RGS22: variants seen among roughly 807,000 people sequenced by gnomAD.
RGS22 encodes the protein regulator of G protein signaling 22, also known as regulator of G-protein signaling 22.
In RGS22, 148 loss-of-function variants were observed where a neutral mutation model predicts 172.9. That is an observed-to-expected ratio of 0.86 (90% CI 0.75 to 0.98). RGS22 has a LOEUF of 0.98. Among genes scored for constraint, RGS22 ranks in the 50% least tolerant of loss-of-function variants. RGS22 has a pLI of 0.00. For missense variants in RGS22, 1,347 were observed against 1,440.8 expected, an observed-to-expected ratio of 0.93 and a Z score of 1.05; for synonymous variants, 458 against 480.2, an observed-to-expected ratio of 0.95 and a Z score of 0.60.
intron 3 of RGS22, among the ~76,000 whole-genome samples, chr8:100,085,146 G>C (rs1434550140): frequency 6.6e-6 from 1 of 152,134 alleles, no homozygotes; most frequent in Non-Finnish European, 1.5e-5. Context: ...TTCCATGTTT[G>C]ATACTCCATC....
At chr8:99,980,169 ATCC>A (rs958411347) in intron 22 of RGS22, among the ~76,000 whole-genome samples, 2 of 152,162 alleles carry the variant, frequency 1.3e-5, no homozygotes, top group African/African-American at 4.8e-5. Flanking sequence ...GCCTCAAGCA[ATCC>A]TCCTGCCTTG....
chr8:99,962,812 T>C, intron 25 of RGS22, 45 bp from the exon 26 acceptor site: 1 of 1,584,204 alleles, frequency 6.3e-7, no homozygotes, highest in Non-Finnish European at 8.6e-7. Flanking sequence ...AAGTAAATAT[T>C]GGCAAAGTCT....
intron 14 of RGS22, among the ~76,000 whole-genome samples, chr8:100,022,423 C>A (rs887065528): frequency 1.3e-5 from 2 of 151,928 alleles, no homozygotes; most frequent in Non-Finnish European, 2.9e-5. Flanking sequence ...TAAGAAAAGA[C>A]GAGAACAAAC....
intron 2 of RGS22, among the ~76,000 whole-genome samples, chr8:100,102,001 C>A (rs1299573836): frequency 6.6e-6 from 1 of 152,156 alleles, no homozygotes; most frequent in Non-Finnish European, 1.5e-5. Context: ...CCCCTCTGAT[C>A]TTATGTCTCC....
intron 24 of RGS22, among the ~76,000 whole-genome samples, chr8:99,963,702 T>C (rs189607569): frequency 6.6e-6 from 1 of 152,282 alleles, no homozygotes; most frequent in East Asian, 1.9e-4. Flanking sequence ...TTAGGTAATA[T>C]ATGTAATCTA....
intron 23 of RGS22, among the ~76,000 whole-genome samples, chr8:99,967,815 C>T (rs1810914256): frequency 2.0e-5 from 3 of 152,188 alleles, no homozygotes; most frequent in Admixed American, 6.5e-5. Flanking sequence ...CTTCAGCAGA[C>T]TTAAACATTC....
intron 14 of RGS22, among the ~76,000 whole-genome samples, chr8:100,011,112 G>T (rs376631350): frequency 1.3e-5 from 2 of 152,198 alleles, no homozygotes; most frequent in African/African-American, 4.8e-5. Context: ...GCTTCAAGTA[G>T]GTAACACTGG....
intron 11 of RGS22, chr8:100,042,855 G>A (rs1403207771): frequency 6.6e-6 from 1 of 152,162 alleles, no homozygotes; most frequent in Non-Finnish European, 1.5e-5. Flanking sequence ...CCCTTGCAGC[G>A]AGACATAGCC....
chr8:99,975,575 G>A (rs939269358), intron 23 of RGS22, among the ~76,000 whole-genome samples: 2 of 150,926 alleles, frequency 1.3e-5, no homozygotes, highest in Non-Finnish European at 2.9e-5. Flanking sequence ...AGATGATAGT[G>A]TGTATTGCCA....
Position 100,078,575 on chromosome 8 carries a change from A to G in RGS22, c.339+1559T>C, listed in dbSNP as rs181175012. Among the ~76,000 whole-genome samples, 12 of 151,060 alleles carry G rather than the reference A, an allele frequency of 7.9e-5. No individual in the cohort carries two copies. In the East Asian group the frequency reaches 1.4e-3, roughly 17 times the overall value. On this transcript the variant is annotated intron_variant, in intron 4 of 27. Transcript: ENST00000360863. ...TTTCCTCATTTTCTGTCTGCTTTCC[A>G]TTTAGTACTTTTTAATTCCTTTGAT...
intron 14 of RGS22, among the ~76,000 whole-genome samples, chr8:100,015,770 A>G (rs1302749130): frequency 6.6e-6 from 1 of 152,226 alleles, no homozygotes; most frequent in Admixed American, 6.5e-5. Context: ...CTCAAGAAAC[A>G]TCATAAAACT....
intron 11 of RGS22, 102 bp from the exon 12 acceptor site, chr8:100,042,018 G>A: frequency 1.5e-6 from 1 of 645,912 alleles, no homozygotes; most frequent in South Asian, 1.8e-5. Flanking sequence ...AATCTCAAGA[G>A]TACTTCTGAG....
chr8:100,014,610 C>G (rs984081845), intron 14 of RGS22, among the ~76,000 whole-genome samples: 2 of 152,142 alleles, frequency 1.3e-5, no homozygotes, highest in African/African-American at 4.8e-5. Context: ...CTTCGCCAAC[C>G]CTTTCTCTTG....
intron 10 of RGS22, among the ~76,000 whole-genome samples, chr8:100,052,236 T>C (rs1157018240): frequency 1.5e-5 from 2 of 136,478 alleles, no homozygotes; most frequent in African/African-American, 5.5e-5. Flanking sequence ...TATATGTATA[T>C]TTATATATAA....
intron 22 of RGS22, among the ~76,000 whole-genome samples, chr8:99,979,921 GA>G (rs1812367225): frequency 6.6e-6 from 1 of 152,158 alleles, no homozygotes. Context: ...ACAAGGGAGA[GA>G]AGACGATACT....
At chr8:100,083,925 C>T (rs1245960018) in intron 3 of RGS22, among the ~76,000 whole-genome samples, 18 of 150,522 alleles carry the variant, frequency 1.2e-4, no homozygotes, top group Non-Finnish European at 2.9e-5. Context: ...TCTTGGCTCA[C>T]TGCAACCTCC....
intron 14 of RGS22, among the ~76,000 whole-genome samples, chr8:100,016,593 T>C (rs996963538): frequency 2.1e-4 from 32 of 151,936 alleles, no homozygotes; most frequent in African/African-American, 7.5e-4. Flanking sequence ...CTGGCTAACA[T>C]GGTGAAACCC....
In RGS22 at chr8:100,063,894, T is replaced by A. The variant is rs1254376836; in HGVS notation, c.874A>T (p.Arg292Ter). Residue 292 changes from arginine (R) to a stop codon, truncating the protein, a stop_gained, in exon 8 of 28, where the codon AGA (arginine) becomes TGA (stop). Transcript: ENST00000360863. LOFTEE classifies it high-confidence loss of function. ...LQDTPSQALL[R>*]VYLEKKQDVD... ...TCCTGTTTCTTTTCAAGGTATACTC[T>A]CAGAAGAGCTTGAGAAGGAGTGTCT... 1 of 1,609,714 alleles carries A rather than the reference T, an allele frequency of 6.2e-7. No homozygotes were observed. Among genetic ancestry groups the A allele is most frequent in the South Asian group, 1.1e-5 (1 of 90,116 alleles).
chr8:100,035,949 G>A (rs764657734), intron 14 of RGS22, among the ~76,000 whole-genome samples: 4 of 152,054 alleles, frequency 2.6e-5, no homozygotes, highest in African/African-American at 4.8e-5. Context: ...CACACACTGG[G>A]GCCTGTTGTG....
Sources: gnomAD v4.1 joint callset for allele counts (sites outside exome capture counted in the v4.1 genomes callset) on GRCh38, gnomAD v4.1.1 for gene constraint, MANE v1.5 for transcripts, NCBI Gene and HGNC (gene_info 2026-07-23, HGNC 2026-07-21) for gene names.